Variants in IL1RAPL1 observed in about 807,000 individuals in gnomAD.
IL1RAPL1 encodes the protein interleukin 1 receptor accessory protein like 1, also known as interleukin-1 receptor accessory protein-like 1.
Under a neutral mutation model 48.4 loss-of-function variants are expected in IL1RAPL1, and 3 were observed. The ratio of observed to expected loss-of-function variants is 0.06; its 90% CI spans 0.03 to 0.16. The LOEUF is 0.16. IL1RAPL1 is among the 10% of genes least tolerant of loss of function. The probability of loss-of-function intolerance (pLI) is 1.00; values close to 1 mark genes in which losing one functional copy is unlikely to be tolerated. For synonymous variants in IL1RAPL1, 185 were observed against 187.7 expected, an observed-to-expected ratio of 0.99 and a Z score of 0.12; for missense variants, 349 against 530.6, an observed-to-expected ratio of 0.66 and a Z score of 3.36.
intron 1 of IL1RAPL1, among the ~76,000 whole-genome samples, chrX:28,786,481 A>G (rs1317446282): frequency 9.0e-6 from 1 of 111,223 alleles, no homozygotes; most frequent in Non-Finnish European, 1.9e-5. Flanking sequence ...AAACAAACAA[A>G]CAAAAATCCC....
intron 2 of IL1RAPL1, among the ~76,000 whole-genome samples, chrX:28,948,201 C>T (rs994648031): frequency 9.0e-6 from 1 of 111,523 alleles, no homozygotes; most frequent in Admixed American, 9.6e-5. Flanking sequence ...TATGATTCAG[C>T]ATCCCATATA....
intron 1 of IL1RAPL1, among the ~76,000 whole-genome samples, chrX:28,686,244 C>G (rs1487577225): frequency 8.9e-6 from 1 of 111,749 alleles, no homozygotes; most frequent in Non-Finnish European, 1.9e-5. Flanking sequence ...GTTTTTATCC[C>G]AGAAGACTTC....
rs1935787217 is a variant in IL1RAPL1, at chrX:28,733,932, T to A, written c.-24-55388T>A. ...GAGCCAATATCCTCCTCAGAACTGG[T>A]TCCACAAACACCCATTCCCATATCA... On this transcript the variant is annotated intron_variant, in intron 1 of 10. Coordinates refer to ENST00000378993, the MANE Select transcript of IL1RAPL1 (RefSeq NM_014271.4). Among the ~76,000 whole-genome samples, 3 of 111,835 alleles carry A rather than the reference T, an allele frequency of 2.7e-5. No homozygotes were observed. In the South Asian group the frequency reaches 1.1e-3, roughly 42 times the overall value.
intron 2 of IL1RAPL1, among the ~76,000 whole-genome samples, chrX:29,270,552 C>T (rs1377822206): frequency 9.0e-6 from 1 of 111,654 alleles, no homozygotes; most frequent in Non-Finnish European, 1.9e-5. Context: ...CACTGAATTG[C>T]CTTTTTGCTT....
chrX:29,738,964 G>C (rs1194558083), intron 6 of IL1RAPL1, among the ~76,000 whole-genome samples: 2 of 112,569 alleles, frequency 1.8e-5, no homozygotes, highest in African/African-American at 6.5e-5. Flanking sequence ...GCACCACAGA[G>C]CAAAGTTTTT....
At position 28,689,089 on chromosome X, in the gene IL1RAPL1, G is replaced by A. The variant is rs964457663; in HGVS notation, c.-24-100231G>A. ...AGAACCAAGATACCAATTTTCTCAC[G>A]TCAGTTCGCTCAGTAAATGGTAAAT... On this transcript the variant is annotated intron_variant, in intron 1 of 10. Transcript: ENST00000378993. Among the ~76,000 whole-genome samples the A allele has an allele frequency of 5.4e-5, 6 of 110,969 alleles. No individual in the cohort carries two copies. The East Asian group carries it at 8.5e-4, about 16-fold the overall frequency.
At chrX:28,919,580 TA>T (rs1476556748) in intron 2 of IL1RAPL1, among the ~76,000 whole-genome samples, 15 of 112,008 alleles carry the variant, frequency 1.3e-4, no homozygotes, top group Non-Finnish European at 2.4e-4. Context: ...TGCACTTGAG[TA>T]AGGTACTTAT....
intron 2 of IL1RAPL1, among the ~76,000 whole-genome samples, chrX:28,836,341 TA>T (rs1921209153): frequency 1.3e-5 from 1 of 76,437 alleles, no homozygotes; most frequent in African/African-American, 1.1e-4. Context: ...CAATTTTATA[TA>T]TATATATATA....
chrX:29,736,755 CTT>C (rs1317661324), intron 6 of IL1RAPL1, among the ~76,000 whole-genome samples: 1 of 112,091 alleles, frequency 8.9e-6, no homozygotes, highest in African/African-American at 3.2e-5. Context: ...ACTGGGGTAT[CTT>C]TGGTTCATAT....
chrX:28,824,402 G>T (rs1936970110), intron 2 of IL1RAPL1, among the ~76,000 whole-genome samples: 1 of 111,232 alleles, frequency 9.0e-6, no homozygotes, highest in Non-Finnish European at 1.9e-5. Context: ...TTCAAGGTCT[G>T]TATCTCAATG....
intron 1 of IL1RAPL1, among the ~76,000 whole-genome samples, chrX:28,781,133 T>TTTCTGTG (rs1936419423): frequency 1.8e-5 from 2 of 110,369 alleles, no homozygotes; most frequent in South Asian, 7.6e-4. Context: ...TATATTATCA[T>TTTCTGTG]GTAGTTTCTG....
chrX:29,635,119 AT>A (rs1924923502), intron 5 of IL1RAPL1, among the ~76,000 whole-genome samples: 1 of 111,359 alleles, frequency 9.0e-6, no homozygotes, highest in Non-Finnish European at 1.9e-5. Context: ...GGAATTTTGA[AT>A]ACCTGAAAAA....
chrX:29,864,891 A>G (rs1037210232), intron 6 of IL1RAPL1, among the ~76,000 whole-genome samples: 7 of 112,032 alleles, frequency 6.2e-5, no homozygotes, highest in African/African-American at 2.3e-4. Context: ...CAAAATTCCT[A>G]GAGCGAGAGG....
rs3066657 is a variant in IL1RAPL1, at chrX:28,971,876, TTGTGTGTGTG to T, written c.82+182483_82+182492del. ...GACAGAAAACAAATAACTCTGAAAA[TTGTGTGTGTG>T]TGTGTGTGTGTGTGTGTGTGTGTGT... is the stretch of plus-strand genomic sequence containing the variant. On this transcript the variant is annotated intron_variant, in intron 2 of 10. Transcript: ENST00000378993. 2.1e-3 allele frequency among the ~76,000 whole-genome samples: 177 copies of T among 84,477 alleles called. 1 individual carries two copies. Among genetic ancestry groups the T allele is most frequent in the Non-Finnish European group, 2.9e-3 (129 of 44,078 alleles). The allele number at this position is 84,477 out of a possible 115,157, so 73.4% of individuals were successfully genotyped here. A position where few individuals can be genotyped will look rare whatever the true frequency, so the allele number is the denominator to read the frequency against.
chrX:28,659,471 A>G (rs1402323315), intron 1 of IL1RAPL1: 1 of 508,136 alleles, frequency 2.0e-6, no homozygotes, highest in Non-Finnish European at 3.6e-6. Flanking sequence ...AGGAGCCATG[A>G]TATAGAGACC....
At chrX:29,023,061 T>C (rs1450655550) in intron 2 of IL1RAPL1, among the ~76,000 whole-genome samples, 1 of 112,068 alleles carries the variant, frequency 8.9e-6, no homozygotes, top group Non-Finnish European at 1.9e-5. Context: ...TTTCACTTCA[T>C]GCCAAAAGGA....
intron 2 of IL1RAPL1, among the ~76,000 whole-genome samples, chrX:29,163,975 G>A (rs1362960651): frequency 1.8e-5 from 2 of 111,485 alleles, no homozygotes; most frequent in African/African-American, 3.3e-5. Context: ...CTCAATGATT[G>A]TAAATAGAGC....
intron 3 of IL1RAPL1, among the ~76,000 whole-genome samples, chrX:29,290,801 C>G (rs969352067): frequency 1.8e-5 from 2 of 111,231 alleles, no homozygotes; most frequent in Non-Finnish European, 3.8e-5. Context: ...TCAGGTGAGC[C>G]AGACTTTTTA....
chrX:29,030,172 T>C (rs1055741831), intron 2 of IL1RAPL1, among the ~76,000 whole-genome samples: 11 of 111,372 alleles, frequency 9.9e-5, no homozygotes, highest in Admixed American at 6.7e-4. Context: ...TATCTCAGAA[T>C]TGAATAAAGT....
Sources: gnomAD v4.1 joint callset for allele counts (sites outside exome capture counted in the v4.1 genomes callset) on GRCh38, gnomAD v4.1.1 for gene constraint, MANE v1.5 for transcripts, NCBI Gene and HGNC (gene_info 2026-07-23, HGNC 2026-07-21) for gene names.